The following BACH1 variants were observed in gnomAD, a reference collection of about 807,000 sequenced individuals.
The protein encoded by BACH1 is transcription regulator protein BACH1.
In BACH1, 35 loss-of-function variants were observed where a neutral mutation model predicts 52.9. That is an observed-to-expected ratio of 0.66 (90% CI 0.51 to 0.88). The LOEUF (loss-of-function observed/expected upper bound fraction) is 0.88. Among genes scored for constraint, BACH1 ranks in the 40% least tolerant of loss-of-function variants. BACH1 has a pLI of 0.00. For synonymous variants in BACH1, 321 were observed against 319.6 expected (o/e 1.00, Z -0.05); for missense variants, 808 against 872.6 (o/e 0.93, Z 0.93).
At chr21:29,357,991 G>C (rs973241336) in intron 2 of BACH1, among the ~76,000 whole-genome samples, 1 of 152,152 alleles carries the variant, frequency 6.6e-6, no homozygotes, top group Non-Finnish European at 1.5e-5. Context: ...CACGCCCTGA[G>C]AGCTAGTCCC....
chr21:29,358,745 AAAAG>A (rs2089249949), intron 2 of BACH1, among the ~76,000 whole-genome samples: 1 of 117,912 alleles, frequency 8.5e-6, no homozygotes, highest in East Asian at 3.1e-4. Context: ...GTCTCAGAAA[AAAAG>A]AAAAGAAAAG....
intron 1 of BACH1, among the ~76,000 whole-genome samples, chr21:29,317,156 T>TA: frequency 6.6e-6 from 1 of 152,344 alleles, no homozygotes; most frequent in South Asian, 2.1e-4. Context: ...TATGAGACTC[T>TA]AATGCCTGAT....
intron 3 of BACH1, among the ~76,000 whole-genome samples, chr21:29,328,016 CATT>C (rs1315711868): frequency 2.6e-5 from 4 of 152,178 alleles, no homozygotes; most frequent in Non-Finnish European, 5.9e-5. Flanking sequence ...ATTCTATGCT[CATT>C]ATTTGATAAC....
chr21:29,307,729 T>TC (rs899462580), intron 1 of BACH1, among the ~76,000 whole-genome samples: 2 of 152,202 alleles, frequency 1.3e-5, no homozygotes, highest in African/African-American at 4.8e-5. Context: ...TTGGAATGTA[T>TC]CCCCTGTAGA....
At chr21:29,299,134 G>A (rs1601331316) in intron 1 of BACH1, among the ~76,000 whole-genome samples, 181 bp downstream of exon 1, 1 of 151,464 alleles carries the variant, frequency 6.6e-6, no homozygotes, top group African/African-American at 2.4e-5. Flanking sequence ...GGGCGCCGGC[G>A]GCCGGGATCC....
At position 29,326,339 on chromosome 21, in the gene BACH1, A is replaced by C; in HGVS notation, c.515A>C (p.Glu172Ala). ...GATCTAGAAACTGATGAAGTGGAGG[A>C]ATTTCTGGAAAATAAAAATGTTCAG... ...QRDLETDEVE[E>A]FLENKNVQTP... The change falls in exon 3 of 5, where the codon GAA (glutamate) becomes GCA (alanine). Residue 172 changes from glutamate to alanine, a missense_variant. Glu to Ala is a moderately radical substitution (Grantham distance 107). Transcript: ENST00000286800. The C allele has an allele frequency of 6.2e-7, 1 of 1,614,202 alleles. No homozygotes were observed. The highest frequency in any genetic ancestry group is 1.3e-5 in the African/African-American group (1 of 75,056).
downstream of BACH1, among the ~76,000 whole-genome samples, chr21:29,349,731 G>GGGTGT (rs1430283893): frequency 2.6e-5 from 4 of 152,122 alleles, no homozygotes; most frequent in African/African-American, 9.7e-5. Flanking sequence ...CACAGCCTTT[G>GGGTGT]GGTGCACCAG....
chr21:29,360,771 C>T (rs527853545), intron 2 of BACH1, among the ~76,000 whole-genome samples: 10 of 149,886 alleles, frequency 6.7e-5, no homozygotes, highest in South Asian at 6.3e-4. Flanking sequence ...CTTGAACCCA[C>T]GAGGTGGAGG....
chr21:29,322,266 C>T (rs977945231), intron 2 of BACH1, among the ~76,000 whole-genome samples: 5 of 152,268 alleles, frequency 3.3e-5, no homozygotes, highest in South Asian at 2.1e-4. Context: ...TTCTGTAAAA[C>T]GTCCGTTTTC....
intron 1 of BACH1, among the ~76,000 whole-genome samples, chr21:29,302,195 T>C (rs192419821): frequency 3.3e-5 from 5 of 152,350 alleles, no homozygotes; most frequent in Admixed American, 2.0e-4. Flanking sequence ...TTTTATGTGG[T>C]GGAACGATGA....
intron 4 of BACH1, among the ~76,000 whole-genome samples, chr21:29,334,223 G>A (rs1006799407): frequency 3.3e-5 from 5 of 150,804 alleles, no homozygotes; most frequent in South Asian, 4.2e-4. Flanking sequence ...TCGGCCTCCC[G>A]AGTAGCTGGG....
rs765506989 is a variant in BACH1 at position 29,321,538 on chromosome 21, A to G, written c.234+24A>G. The G allele has an allele frequency of 7.5e-6, 12 of 1,595,004 alleles. No homozygotes were observed. In the Middle Eastern group the frequency reaches 5.0e-4, roughly 66 times the overall value. ...AGGTGAGAGATCCATGTTTTTGGCA[A>G]TTTTAATCTACTTTTACTTAAGTTT... On this transcript the variant is annotated intron_variant, in intron 2 of 4. Transcript: ENST00000286800.
At chr21:29,347,448 A>C (rs1293257770), downstream of BACH1, among the ~76,000 whole-genome samples, 8 of 152,232 alleles carry the variant, frequency 5.3e-5, no homozygotes, top group Non-Finnish European at 1.0e-4. Flanking sequence ...GACAAAGTAC[A>C]AAGTGGAAGT....
intron 2 of BACH1, among the ~76,000 whole-genome samples, chr21:29,353,278 G>GAAAT (rs1471688403): frequency 6.6e-6 from 1 of 152,178 alleles, no homozygotes; most frequent in Non-Finnish European, 1.5e-5. Context: ...AAAAATAGAG[G>GAAAT]AAATAACCAA....
At chr21:29,318,856 G>A (rs1478802429) in intron 1 of BACH1, among the ~76,000 whole-genome samples, 2 of 151,884 alleles carry the variant, frequency 1.3e-5, no homozygotes, top group Non-Finnish European at 2.9e-5. Flanking sequence ...TGCTCTCTCT[G>A]CGGTCCATAT....
At chr21:29,317,388 G>T (rs557878505) in intron 1 of BACH1, among the ~76,000 whole-genome samples, 35 of 152,332 alleles carry the variant, frequency 2.3e-4, no homozygotes, top group Admixed American at 1.4e-3. Flanking sequence ...GAACAAATCA[G>T]ACAAAGTTGT....
At chr21:29,349,831 G>A (rs2123485882), downstream of BACH1, among the ~76,000 whole-genome samples, 2 of 120,048 alleles carry the variant, frequency 1.7e-5, no homozygotes, top group Middle Eastern at 3.8e-3. Context: ...TGCAAATGCT[G>A]TGATAATCTT....
intron 1 of BACH1, chr21:29,299,903 A>T (rs1186992708): frequency 6.6e-6 from 1 of 152,160 alleles, no homozygotes; most frequent in African/African-American, 2.4e-5. Flanking sequence ...TTACCCATGG[A>T]TGATGCTATG....
chr21:29,341,039 AATTT>A (rs1242727060), intron 4 of BACH1, among the ~76,000 whole-genome samples: 2 of 152,082 alleles, frequency 1.3e-5, no homozygotes, highest in Admixed American at 1.3e-4. Flanking sequence ...GCCATATAAA[AATTT>A]AGTATTTTGT....
Sources: gnomAD v4.1 joint callset for allele counts (sites outside exome capture counted in the v4.1 genomes callset) on GRCh38, gnomAD v4.1.1 for gene constraint, MANE v1.5 for transcripts, NCBI Gene and HGNC (gene_info 2026-07-23, HGNC 2026-07-21) for gene names.